ABI3BP: variants seen among roughly 807,000 people sequenced by gnomAD.
ABI3BP encodes the protein target of Nesh-SH3.
ABI3BP carries 216 observed loss-of-function variants against 268.6 expected under a neutral mutation model. The ratio of observed to expected loss-of-function variants is 0.80; its 90% confidence interval spans 0.72 to 0.90. The LOEUF (loss-of-function observed/expected upper bound fraction) is 0.90, where lower values mean the gene tolerates loss of function less well. ABI3BP is among the 40% of genes least tolerant of loss of function. ABI3BP has a pLI of 0.00. For missense variants in ABI3BP, 2,090 were observed against 2,182.4 expected, an observed-to-expected ratio of 0.96 and a Z score of 0.84; for synonymous variants, 730 against 730.0, an observed-to-expected ratio of 1.00 and a Z score of 0.00.
rs761919057 is a variant in ABI3BP, at chr3:100,926,486, C to G, written c.80-5G>C. ...CTTTGAGGTTTGGCCTTTTACCTAACAATGGGAATGAAAACATCGATGGCT... is the reference window on the plus strand; with the variant it reads ...CTTTGAGGTTTGGCCTTTTACCTAAGAATGGGAATGAAAACATCGATGGCT... On this transcript the variant is annotated splice_region_variant and splice_polypyrimidine_tract_variant and intron_variant, in intron 1 of 67. Coordinates refer to ENST00000471714, the MANE Select transcript of ABI3BP (RefSeq NM_001375547.2). 2.9e-5 allele frequency: 47 copies of G among 1,611,336 alleles called. No homozygotes were observed. The highest frequency in any genetic ancestry group is 3.7e-5 in the Non-Finnish European group (43 of 1,177,958).
At chr3:100,823,280 G>A (rs1278863953) in intron 37 of ABI3BP, among the ~76,000 whole-genome samples, 178 bp downstream of exon 37, 9 of 152,008 alleles carry the variant, frequency 5.9e-5, no homozygotes, top group Admixed American at 5.9e-4. Context: ...GCATATAAAC[G>A]TCCTCAAGTA....
intron 44 of ABI3BP, among the ~76,000 whole-genome samples, chr3:100,814,858 G>A (rs563936739): frequency 1.3e-5 from 2 of 152,204 alleles, no homozygotes; most frequent in African/African-American, 2.4e-5. Flanking sequence ...TAGGGCACAC[G>A]ATGAATTTAG....
intron 53 of ABI3BP, among the ~76,000 whole-genome samples, chr3:100,795,238 G>A (rs1051024461): frequency 5.3e-5 from 8 of 152,040 alleles, no homozygotes; most frequent in Admixed American, 2.6e-4. Context: ...CCATCAGAAT[G>A]GCTGGTTGAG....
intron 63 of ABI3BP, among the ~76,000 whole-genome samples, chr3:100,756,530 G>GAAAAC (rs1036721923): frequency 1.3e-5 from 2 of 151,934 alleles, no homozygotes; most frequent in Non-Finnish European, 2.9e-5. Flanking sequence ...TAAGAGGCCT[G>GAAAAC]AAAACAAAAC....
rs2099012691 is a variant in ABI3BP at position 100,862,822 on chromosome 3, A to G, written c.1210+16T>C. The G allele has an allele frequency of 1.3e-6, 2 of 1,513,172 alleles. No homozygotes were observed. The highest frequency in any genetic ancestry group is 1.4e-5 in the African/African-American group (1 of 72,430). The allele number at this position is 1,513,172 out of a possible 1,614,324, so 93.7% of individuals were successfully genotyped here. On this transcript the variant is annotated intron_variant, in intron 13 of 67. Coordinates refer to ENST00000471714, the MANE Select transcript of ABI3BP (RefSeq NM_001375547.2). ...CACCCACAGCCTTAATATTAAATTT[A>G]AGGTACTCTTATTACCCAATGTGCC...
chr3:100,899,300 A>T (rs987968162), intron 3 of ABI3BP, among the ~76,000 whole-genome samples: 10 of 152,154 alleles, frequency 6.6e-5, no homozygotes, highest in Non-Finnish European at 1.0e-4. Context: ...AAGTATGTTT[A>T]TTTTTTTCCC....
At chr3:100,910,861 C>G (rs1231325529) in intron 2 of ABI3BP, 1 of 152,626 alleles carries the variant, frequency 6.6e-6, no homozygotes, top group African/African-American at 2.4e-5. Context: ...ATGAATTTAT[C>G]TGTATTAGTG....
intron 66 of ABI3BP, 75 bp downstream of exon 66, chr3:100,752,712 A>G (rs764958848): frequency 1.5e-5 from 23 of 1,510,904 alleles, no homozygotes; most frequent in Non-Finnish European, 2.0e-5. Flanking sequence ...CTCTTAAGAA[A>G]AGGCCAAGTT....
chr3:100,795,699 A>C, intron 53 of ABI3BP, 105 bp downstream of exon 53: 2 of 873,162 alleles, frequency 2.3e-6, no homozygotes, highest in South Asian at 1.6e-5. Context: ...TGAAATGATG[A>C]ATGGATTGAG....
At chr3:100,815,461 T>C (rs749717125) in intron 44 of ABI3BP, among the ~76,000 whole-genome samples, 1 of 152,054 alleles carries the variant, frequency 6.6e-6, no homozygotes, top group Non-Finnish European at 1.5e-5. Context: ...CCTGGAACTT[T>C]CAGGGAAATC....
rs137976561 is a variant in ABI3BP, at chr3:100,914,666, G to T, written c.259+11636C>A. On this transcript the variant is annotated intron_variant, in intron 2 of 67. Transcript: ENST00000471714. ...TGGAGCCTCTACATATGAAATGGGAGTGCAGCATTGATTGGAAGAGAGGAT... is the reference window on the plus strand; with the variant it reads ...TGGAGCCTCTACATATGAAATGGGATTGCAGCATTGATTGGAAGAGAGGAT... Among the ~76,000 whole-genome samples, 3 of 152,302 alleles carry T rather than the reference G, an allele frequency of 2.0e-5. No individual in the cohort carries two copies. In the East Asian group the frequency reaches 5.8e-4, roughly 29 times the overall value.
At chr3:100,865,516 C>T (rs1403877024) in intron 10 of ABI3BP, among the ~76,000 whole-genome samples, 1 of 152,196 alleles carries the variant, frequency 6.6e-6, no homozygotes, top group Non-Finnish European at 1.5e-5. Flanking sequence ...AAAAAGCTCA[C>T]ACTCCTTCCC....
rs1258206778 is a variant in ABI3BP, at chr3:100,813,590, A to G, written c.3364+71T>C. ...TTTTTCATTTTTTATCTTTGGAAAT[A>G]TAACTTAGAGAATTACAGTATGCCT... On this transcript the variant is annotated intron_variant, in intron 45 of 67. Coordinates refer to ENST00000471714, the MANE Select transcript of ABI3BP (RefSeq NM_001375547.2). 5 of 1,184,980 alleles carry G rather than the reference A, an allele frequency of 4.2e-6. No individual in the cohort carries two copies. The Admixed American group carries it at 6.8e-5, about 16-fold the overall frequency. The allele number at this position is 1,184,980 out of a possible 1,614,324, so 73.4% of individuals were successfully genotyped here.
intron 1 of ABI3BP, among the ~76,000 whole-genome samples, chr3:100,929,433 A>G (rs2062912474): frequency 6.6e-6 from 1 of 152,066 alleles, no homozygotes; most frequent in Non-Finnish European, 1.5e-5. Context: ...AAATACATCA[A>G]CATCATATAA....
intron 3 of ABI3BP, 65 bp downstream of exon 3, chr3:100,902,553 A>G: frequency 6.6e-7 from 1 of 1,507,302 alleles, no homozygotes. Context: ...CAGGGGTCCA[A>G]AAGAGATGAA....
At chr3:100,886,080 A>T (rs2041862806) in intron 5 of ABI3BP, 62 bp downstream of exon 5, 1 of 1,314,676 alleles carries the variant, frequency 7.6e-7, no homozygotes. Flanking sequence ...CATAATTAAA[A>T]ATTAGGTAAC....
At chr3:100,835,075 T>G (rs535953253) in intron 28 of ABI3BP, among the ~76,000 whole-genome samples, 1 of 152,300 alleles carries the variant, frequency 6.6e-6, no homozygotes, top group South Asian at 2.1e-4. Context: ...CACGTAGACA[T>G]CACATCAGAG....
chr3:100,828,232 A>G (rs2098423285), intron 34 of ABI3BP, among the ~76,000 whole-genome samples, 161 bp downstream of exon 34: 1 of 152,194 alleles, frequency 6.6e-6, no homozygotes. Flanking sequence ...AAAGATCCCA[A>G]ACTAGATTCA....
intron 9 of ABI3BP, among the ~76,000 whole-genome samples, chr3:100,873,842 G>C (rs1423387606): frequency 6.6e-6 from 1 of 152,086 alleles, no homozygotes; most frequent in Non-Finnish European, 1.5e-5. Flanking sequence ...TTTGACATAG[G>C]GTAATGCATA....
Sources: gnomAD v4.1 joint callset for allele counts (sites outside exome capture counted in the v4.1 genomes callset) on GRCh38, gnomAD v4.1.1 for gene constraint, MANE v1.5 for transcripts, NCBI Gene and HGNC (gene_info 2026-07-23, HGNC 2026-07-21) for gene names.